RIMS1: variants seen among roughly 807,000 people sequenced by gnomAD.
The protein encoded by RIMS1 is regulating synaptic membrane exocytosis 1.
RIMS1 carries 83 observed loss-of-function variants against 214.1 expected under a neutral mutation model. That is an observed-to-expected ratio of 0.39 (90% CI 0.32 to 0.47). The LOEUF (loss-of-function observed/expected upper bound fraction) is 0.47, where lower values mean the gene tolerates loss of function less well. Ranked by LOEUF, RIMS1 falls within the 20% of genes least tolerant of loss-of-function variation. The probability of loss-of-function intolerance (pLI) is 0.99; values close to 1 mark genes in which losing one functional copy is unlikely to be tolerated. For missense variants in RIMS1, 2,050 were observed against 2,161.8 expected, an observed-to-expected ratio of 0.95 and a Z score of 1.03; for synonymous variants, 793 against 786.8, an observed-to-expected ratio of 1.01 and a Z score of -0.13.
chr6:72,039,707 T>C (rs1273462681), intron 2 of RIMS1, among the ~76,000 whole-genome samples: 1 of 152,066 alleles, frequency 6.6e-6, no homozygotes, highest in Non-Finnish European at 1.5e-5. Context: ...TGGGTGGAGT[T>C]ATTGGTTTGC....
chr6:72,278,189 ATC>A (rs1460504759), intron 23 of RIMS1, among the ~76,000 whole-genome samples: 1 of 151,824 alleles, frequency 6.6e-6, no homozygotes, highest in Non-Finnish European at 1.5e-5. Context: ...CTATCTATCT[ATC>A]TATCTATATA....
intron 4 of RIMS1, among the ~76,000 whole-genome samples, chr6:72,123,879 A>C (rs933564988): frequency 1.3e-5 from 2 of 151,558 alleles, no homozygotes; most frequent in African/African-American, 4.8e-5. Context: ...TGCATGTGAG[A>C]TGGGTTTCCT....
chr6:72,246,725 C>G (rs2069960804), intron 11 of RIMS1, among the ~76,000 whole-genome samples: 1 of 152,084 alleles, frequency 6.6e-6, no homozygotes, highest in African/African-American at 2.4e-5. Context: ...TTTGAGCTTT[C>G]TGGTGACCAA....
At chr6:72,144,900 T>C (rs78074837) in intron 4 of RIMS1, among the ~76,000 whole-genome samples, 2 of 151,680 alleles carry the variant, frequency 1.3e-5, no homozygotes, top group Non-Finnish European at 2.9e-5. Flanking sequence ...TTTTTTTTTT[T>C]CGAGATGGAG....
chr6:72,131,445 C>T (rs924488878), intron 4 of RIMS1, among the ~76,000 whole-genome samples: 18 of 151,970 alleles, frequency 1.2e-4, no homozygotes, highest in Admixed American at 5.2e-4. Context: ...GCTGGGCGTC[C>T]GGGGGAGACA....
chr6:72,251,729 G>A (rs949855348), intron 15 of RIMS1, among the ~76,000 whole-genome samples: 1 of 152,030 alleles, frequency 6.6e-6, no homozygotes, highest in Non-Finnish European at 1.5e-5. Context: ...TCCCCCCACC[G>A]AGAGAGAGTC....
chr6:72,094,591 G>A (rs1586823476), intron 2 of RIMS1, among the ~76,000 whole-genome samples: 2 of 152,130 alleles, frequency 1.3e-5, no homozygotes, highest in Non-Finnish European at 1.5e-5. Flanking sequence ...TGTAAATAAA[G>A]TTTCATTGGA....
intron 1 of RIMS1, among the ~76,000 whole-genome samples, chr6:71,903,412 C>A (rs1295752670): frequency 6.6e-6 from 1 of 152,084 alleles, no homozygotes; most frequent in Non-Finnish European, 1.5e-5. Context: ...AGAAGAAAAT[C>A]TAGGCAATAC....
At chr6:72,148,140 A>C (rs1197591879) in intron 4 of RIMS1, among the ~76,000 whole-genome samples, 1 of 152,182 alleles carries the variant, frequency 6.6e-6, no homozygotes, top group Non-Finnish European at 1.5e-5. Flanking sequence ...AGCTTTTTCC[A>C]GTTTGGGGGA....
chr6:72,008,629 A>G (rs968669774), intron 2 of RIMS1, among the ~76,000 whole-genome samples: 1 of 152,330 alleles, frequency 6.6e-6, no homozygotes, highest in Non-Finnish European at 1.5e-5. Context: ...ATGGAGGAAG[A>G]TCTACCAAGC....
rs971817364 is a variant in RIMS1, at chr6:72,197,678, G to C, written c.1678+14529G>C. 1.4e-4 allele frequency among the ~76,000 whole-genome samples: 21 copies of C among 152,096 alleles called. 1 individual carries two copies. Among genetic ancestry groups the C allele is most frequent in the African/African-American group, 5.1e-4 (21 of 41,520 alleles). On this transcript the variant is annotated intron_variant, in intron 6 of 33. Coordinates refer to ENST00000521978, the MANE Select transcript of RIMS1 (RefSeq NM_014989.7). ...GTATCACACACTTGCCTACAGGTAT[G>C]GTATCTGGGCAATTCTCCAAGCCAG...
chr6:72,279,660 C>T (rs756489048), intron 23 of RIMS1, among the ~76,000 whole-genome samples: 3 of 151,970 alleles, frequency 2.0e-5, no homozygotes, highest in African/African-American at 2.4e-5. Context: ...CTTGTTCACT[C>T]GTGCCCAGGG....
At chr6:71,939,128 G>A (rs777222668) in intron 1 of RIMS1, among the ~76,000 whole-genome samples, 1 of 152,134 alleles carries the variant, frequency 6.6e-6, no homozygotes. Context: ...ACACAGTTAT[G>A]CCAAATTCTT....
chr6:72,202,836 C>CCTTT (rs10641277), intron 6 of RIMS1, among the ~76,000 whole-genome samples: 21 of 151,426 alleles, frequency 1.4e-4, no homozygotes, highest in African/African-American at 5.1e-4. Context: ...TTACTTAACC[C>CCTTT]CTAAGTCTCA....
intron 4 of RIMS1, among the ~76,000 whole-genome samples, chr6:72,160,918 C>G (rs1477827518): frequency 7.1e-6 from 1 of 139,880 alleles, no homozygotes; most frequent in South Asian, 2.4e-4. Flanking sequence ...AGGGAGGATT[C>G]CCTCTTTTTC....
chr6:71,994,658 C>T (rs896027308), intron 2 of RIMS1, among the ~76,000 whole-genome samples: 2 of 152,152 alleles, frequency 1.3e-5, no homozygotes, highest in Admixed American at 1.3e-4. Flanking sequence ...GTCATCATAG[C>T]TACCCAAAAG....
At chr6:72,175,534 G>T (rs958291326) in intron 4 of RIMS1, among the ~76,000 whole-genome samples, 1 of 151,998 alleles carries the variant, frequency 6.6e-6, no homozygotes, top group Non-Finnish European at 1.5e-5. Context: ...TTAGCTGGGC[G>T]TGGGGGCAGG....
chr6:71,958,370 T>C (rs1791922955), intron 1 of RIMS1, among the ~76,000 whole-genome samples: 1 of 152,142 alleles, frequency 6.6e-6, no homozygotes, highest in Admixed American at 6.6e-5. Context: ...AGTAGTTGGA[T>C]TGTTGCTATT....
At chr6:72,132,695 A>T (rs979509106) in intron 4 of RIMS1, among the ~76,000 whole-genome samples, 3 of 152,146 alleles carry the variant, frequency 2.0e-5, no homozygotes, top group Non-Finnish European at 4.4e-5. Flanking sequence ...ACTCTAGGCC[A>T]GTGCAGACAA....
Sources: gnomAD v4.1 joint callset for allele counts (sites outside exome capture counted in the v4.1 genomes callset) on GRCh38, gnomAD v4.1.1 for gene constraint, MANE v1.5 for transcripts, NCBI Gene and HGNC (gene_info 2026-07-23, HGNC 2026-07-21) for gene names.